The following SLC41A3 variants were observed in gnomAD, a reference collection of about 807,000 sequenced individuals.
The protein encoded by SLC41A3 is SLC41A1-like 2.
In SLC41A3, 44 loss-of-function variants were observed where a neutral mutation model predicts 45.4. The observed-to-expected ratio is 0.97, with a 90% CI of 0.76 to 1.25. The LOEUF is 1.25. Among genes scored for constraint, SLC41A3 ranks in the 50% most tolerant of loss-of-function variants. SLC41A3 has a pLI of 0.00. For synonymous variants in SLC41A3, 256 were observed against 252.4 expected, an observed-to-expected ratio of 1.01 and a Z score of -0.13; for missense variants, 550 against 600.6, an observed-to-expected ratio of 0.92 and a Z score of 0.88.
At chr3:126,016,628 T>C in intron 7 of SLC41A3, 103 bp downstream of exon 7, 10 of 1,424,586 alleles carry the variant, frequency 7.0e-6, no homozygotes, top group Non-Finnish European at 9.4e-6. Context: ...ACAGCTACAT[T>C]TCACTCCATT....
intron 9 of SLC41A3, among the ~76,000 whole-genome samples, chr3:126,010,081 T>C (rs1939545781): frequency 6.6e-6 from 1 of 152,098 alleles, no homozygotes; most frequent in Non-Finnish European, 1.5e-5. Context: ...TGGTCGTGAG[T>C]CCCCTGAATT....
intron 2 of SLC41A3, chr3:126,056,650 A>C: frequency 6.8e-7 from 1 of 1,475,390 alleles, no homozygotes; most frequent in Non-Finnish European, 9.0e-7. Flanking sequence ...GTTCCCAAGA[A>C]GTCCACACAA....
At chr3:126,045,054 T>C (rs1188735674) in intron 3 of SLC41A3, among the ~76,000 whole-genome samples, 1 of 150,586 alleles carries the variant, frequency 6.6e-6, no homozygotes, top group African/African-American at 2.4e-5. Context: ...CAAAAAAAAA[T>C]TCCAAAGTAA....
chr3:126,073,791 A>T (rs1446870808), intron 1 of SLC41A3, among the ~76,000 whole-genome samples: 2 of 148,062 alleles, frequency 1.4e-5, no homozygotes, highest in Non-Finnish European at 2.9e-5. Context: ...CCAAGCATTT[A>T]AAAAAAAATA....
chr3:126,033,666 G>A lies in SLC41A3; in HGVS notation c.394C>T (p.Gln132Ter). Residue 132 changes from glutamine (Q) to a stop codon, truncating the protein, a stop_gained, in exon 4 of 11, where the codon CAA becomes TAA. Transcript: ENST00000360370. LOFTEE classifies it high-confidence loss of function. The stretch of plus-strand genomic sequence containing the variant: ...TGCTGCTCCTGGGGGTCATCAATTT[G>A]TCCAGTGTTGGCCTAGAATGAAGAG... Reference protein sequence around the residue: ...SRLSTAANTGQIDDPQEQHRV... With the variant: ...SRLSTAANTG 1 of 1,612,868 alleles carries A rather than the reference G, an allele frequency of 6.2e-7. No homozygotes were observed. Among genetic ancestry groups the A allele is most frequent in the Non-Finnish European group, 8.5e-7 (1 of 1,179,760 alleles).
intron 1 of SLC41A3, among the ~76,000 whole-genome samples, chr3:126,077,359 G>C (rs1254338744): frequency 6.6e-6 from 1 of 152,042 alleles, no homozygotes; most frequent in Non-Finnish European, 1.5e-5. Context: ...CAGCCTAGGG[G>C]ACAGAGTAAG....
intron 3 of SLC41A3, among the ~76,000 whole-genome samples, chr3:126,049,170 G>C (rs1025245279): frequency 6.6e-6 from 1 of 151,792 alleles, no homozygotes; most frequent in African/African-American, 2.4e-5. Flanking sequence ...ACTGAGATAC[G>C]ATCGTTGTAG....
intron 1 of SLC41A3, among the ~76,000 whole-genome samples, chr3:126,075,240 C>T (rs571459699): frequency 6.6e-6 from 1 of 152,284 alleles, no homozygotes; most frequent in South Asian, 2.1e-4. Flanking sequence ...GCCACTGTAT[C>T]CGGCCAGTTT....
intron 1 of SLC41A3, chr3:126,073,060 T>C (rs910444568): frequency 1.3e-5 from 2 of 152,006 alleles, no homozygotes; most frequent in African/African-American, 4.8e-5. Context: ...GAGCCAAACA[T>C]TGGGTACACA....
At chr3:126,053,871 C>T (rs1318682701) in intron 2 of SLC41A3, among the ~76,000 whole-genome samples, 1 of 152,114 alleles carries the variant, frequency 6.6e-6, no homozygotes, top group Non-Finnish European at 1.5e-5. Flanking sequence ...AGCCAGGACT[C>T]AACACCTTCT....
At chr3:126,041,519 A>G (rs999645860) in intron 3 of SLC41A3, among the ~76,000 whole-genome samples, 19 of 152,228 alleles carry the variant, frequency 1.2e-4, no homozygotes, top group African/African-American at 4.6e-4. Context: ...GGCTTCCATC[A>G]GCAACACTGG....
chr3:126,016,978 C>A, intron 6 of SLC41A3, 103 bp from the exon 7 acceptor site: 1 of 1,426,856 alleles, frequency 7.0e-7, no homozygotes, highest in Non-Finnish European at 9.3e-7. Context: ...ACGCTCCTGT[C>A]CTCATCAGTT....
chr3:126,049,801 T>A (rs1321201724), intron 3 of SLC41A3, among the ~76,000 whole-genome samples: 1 of 152,164 alleles, frequency 6.6e-6, no homozygotes, highest in Non-Finnish European at 1.5e-5. Flanking sequence ...GAGTCTGAAA[T>A]GAGTCTTATG....
upstream of SLC41A3, among the ~76,000 whole-genome samples, chr3:126,089,190 C>G (rs912132793): frequency 3.9e-5 from 6 of 152,084 alleles, no homozygotes; most frequent in African/African-American, 1.4e-4. Flanking sequence ...ACATGGTTGC[C>G]CCTCCCACAG....
intron 2 of SLC41A3, among the ~76,000 whole-genome samples, chr3:126,057,500 C>A (rs998528170): frequency 2.0e-5 from 3 of 152,222 alleles, no homozygotes; most frequent in African/African-American, 4.8e-5. Flanking sequence ...AAGCCCGAAG[C>A]TGGGGGTCAG....
At chr3:126,072,057 G>A (rs1268549413) in intron 1 of SLC41A3, among the ~76,000 whole-genome samples, 2 of 152,104 alleles carry the variant, frequency 1.3e-5, no homozygotes, top group African/African-American at 2.4e-5. Context: ...TTACAGGCAT[G>A]AGCCACCATG....
intron 2 of SLC41A3, among the ~76,000 whole-genome samples, chr3:126,060,888 G>A (rs1277566729): frequency 3.3e-5 from 5 of 152,222 alleles, no homozygotes; most frequent in Admixed American, 6.5e-5. Context: ...AAGATCAGTG[G>A]TGCTCACCCA....
chr3:126,031,105 T>G (rs948700204), intron 4 of SLC41A3, among the ~76,000 whole-genome samples: 1 of 152,206 alleles, frequency 6.6e-6, no homozygotes, highest in African/African-American at 2.4e-5. Flanking sequence ...GTTTAAACAA[T>G]ACAGAAAACC....
At chr3:126,056,426 C>T (rs1467348541) in intron 2 of SLC41A3, 1 of 1,614,212 alleles carries the variant, frequency 6.2e-7, no homozygotes, top group Non-Finnish European at 8.5e-7. Context: ...GGCACCACGA[C>T]CTGGCACATG....
Sources: gnomAD v4.1 joint callset for allele counts (sites outside exome capture counted in the v4.1 genomes callset) on GRCh38, gnomAD v4.1.1 for gene constraint, MANE v1.5 for transcripts, NCBI Gene and HGNC (gene_info 2026-07-23, HGNC 2026-07-21) for gene names.